UNC13C: variants seen among roughly 807,000 people sequenced by gnomAD.
UNC13C encodes the protein protein unc-13 homolog C.
In UNC13C, 174 loss-of-function variants were observed where a neutral mutation model predicts 245.4. The observed-to-expected ratio is 0.71, with a 90% confidence interval of 0.63 to 0.80. The LOEUF (loss-of-function observed/expected upper bound fraction) is 0.80. Ranked by LOEUF, UNC13C falls within the 30% of genes least tolerant of loss-of-function variation. The pLI is 0.00. For synonymous variants in UNC13C, 992 were observed against 895.1 expected, an observed-to-expected ratio of 1.11 and a Z score of -1.93; for missense variants, 2,829 against 2,602.9, an observed-to-expected ratio of 1.09 and a Z score of -1.89.
chr15:53,992,953 T>G (rs1382629643), intron 1 of UNC13C, among the ~76,000 whole-genome samples: 1 of 152,108 alleles, frequency 6.6e-6, no homozygotes, highest in East Asian at 1.9e-4. Context: ...TCCCTTCTAC[T>G]GATATCCCAT....
intron 2 of UNC13C, among the ~76,000 whole-genome samples, chr15:54,080,369 T>G (rs989017223): frequency 1.3e-5 from 2 of 152,036 alleles, no homozygotes; most frequent in African/African-American, 4.8e-5. Flanking sequence ...CTTTCTCAGT[T>G]TTTTGGAAAC....
At chr15:53,926,365 C>T in the UNC13C span, among the ~76,000 whole-genome samples, 47,645 of 151,990 alleles carry the variant, frequency 0.31, 7,613 homozygotes, top group Non-Finnish European at 0.33. Context: ...TCAGTTCTCT[C>T]ACATGTGAGA....
chr15:54,300,456 C>A, intron 13 of UNC13C, 83 bp downstream of exon 13: 2 of 1,271,714 alleles, frequency 1.6e-6, no homozygotes, highest in Non-Finnish European at 2.1e-6. Flanking sequence ...ACTTCTAATT[C>A]AAATGAAACT....
At chr15:53,884,879 A>C in the UNC13C span, among the ~76,000 whole-genome samples, 1 of 152,082 alleles carries the variant, frequency 6.6e-6, no homozygotes, top group South Asian at 2.1e-4. Context: ...AAAAGACAAA[A>C]CTGTTGAGAA....
At chr15:54,310,810 A>T (rs1033939714) in intron 13 of UNC13C, among the ~76,000 whole-genome samples, 2 of 151,720 alleles carry the variant, frequency 1.3e-5, no homozygotes, top group African/African-American at 4.8e-5. Context: ...ACACATGCAC[A>T]CACACTTTGC....
chr15:54,332,305 C>CTG (rs34179914), intron 15 of UNC13C, among the ~76,000 whole-genome samples, 194 bp downstream of exon 15: 8,183 of 145,350 alleles, frequency 0.056, 211 homozygotes, highest in African/African-American at 0.073. Context: ...CAACAATACT[C>CTG]TGTGTGTGTG....
chr15:53,897,283 A>G, the UNC13C span, among the ~76,000 whole-genome samples: 2 of 152,172 alleles, frequency 1.3e-5, no homozygotes, highest in African/African-American at 4.8e-5. Context: ...TGAGTCCTCA[A>G]TGGGGTCCAA....
At chr15:54,324,001 A>AT (rs1004560154) in intron 14 of UNC13C, among the ~76,000 whole-genome samples, 37 of 152,120 alleles carry the variant, frequency 2.4e-4, no homozygotes, top group African/African-American at 8.2e-4. Flanking sequence ...CAGCAGATTG[A>AT]TTTCAGTACA....
At chr15:54,531,024 G>A (rs945497483) in intron 25 of UNC13C, among the ~76,000 whole-genome samples, 1 of 152,182 alleles carries the variant, frequency 6.6e-6, no homozygotes, top group African/African-American at 2.4e-5. Context: ...GTTCAAGTGG[G>A]AGGATGGTAA....
chr15:54,516,815 A>G (rs1043822412), intron 24 of UNC13C, among the ~76,000 whole-genome samples: 1 of 150,076 alleles, frequency 6.7e-6, no homozygotes, highest in East Asian at 1.9e-4. Flanking sequence ...AAAAAAAAGT[A>G]TCAGATAATT....
intron 5 of UNC13C, 55 bp downstream of exon 5, chr15:54,235,163 T>G (rs759008687): frequency 6.1e-6 from 9 of 1,469,086 alleles, no homozygotes; most frequent in Non-Finnish European, 8.6e-6. Context: ...TTTTCCTTAC[T>G]AAAATGTAAT....
At chr15:54,315,207 A>G (rs1015522451) in intron 13 of UNC13C, among the ~76,000 whole-genome samples, 7 of 151,738 alleles carry the variant, frequency 4.6e-5, no homozygotes, top group African/African-American at 1.7e-4. Flanking sequence ...TGTACCAATC[A>G]AGGTTTGGCC....
Position 54,179,286 on chromosome 15 carries a change from A to G in UNC13C, c.3071+35602A>G, listed in dbSNP as rs117932303. On this transcript the variant is annotated intron_variant, in intron 4 of 32. Coordinates refer to ENST00000260323, the MANE Select transcript of UNC13C (RefSeq NM_001080534.3). ...GAATAAGCAAGAAAATGTGGCTGAT[A>G]ATCAAAAGAAACAAAATAAGCAGAC... Among the ~76,000 whole-genome samples, 1,069 of 152,242 alleles carry G rather than the reference A, an allele frequency of 7.0e-3. 12 individuals are homozygous for G. Among genetic ancestry groups the G allele is most frequent in the Middle Eastern group, 0.017 (5 of 294 alleles).
intron 7 of UNC13C, among the ~76,000 whole-genome samples, chr15:54,245,263 A>G: frequency 6.6e-6 from 1 of 152,106 alleles, no homozygotes; most frequent in Non-Finnish European, 1.5e-5. Context: ...AAAATCTATC[A>G]TATTTTGTTT....
At chr15:54,587,187 A>G (rs1898539521) in intron 30 of UNC13C, among the ~76,000 whole-genome samples, 1 of 152,176 alleles carries the variant, frequency 6.6e-6, no homozygotes, top group Non-Finnish European at 1.5e-5. Context: ...TTATAAGGTG[A>G]AATGACAGAA....
At chr15:54,094,166 G>A (rs533109520) in intron 2 of UNC13C, among the ~76,000 whole-genome samples, 3 of 152,148 alleles carry the variant, frequency 2.0e-5, no homozygotes, top group African/African-American at 7.2e-5. Context: ...GGACTCCGAA[G>A]GCCTTACTGA....
intron 2 of UNC13C, among the ~76,000 whole-genome samples, chr15:54,071,849 C>T (rs1270596363): frequency 1.3e-5 from 2 of 152,136 alleles, no homozygotes; most frequent in African/African-American, 4.8e-5. Context: ...TATTTATAAT[C>T]TTGTGCCTTT....
chr15:54,217,325 G>C (rs143079764), intron 4 of UNC13C, among the ~76,000 whole-genome samples: 2 of 152,062 alleles, frequency 1.3e-5, no homozygotes, highest in Non-Finnish European at 2.9e-5. Flanking sequence ...GGCATCATCA[G>C]AGCTAAGGTG....
At chr15:54,541,754 T>C (rs1896256733) in intron 26 of UNC13C, among the ~76,000 whole-genome samples, 2 of 152,260 alleles carry the variant, frequency 1.3e-5, no homozygotes, top group South Asian at 4.1e-4. Context: ...ATAGGTATTA[T>C]ACAAATGCTA....
Sources: allele counts gnomAD v4.1 joint callset (sites outside exome capture counted in the v4.1 genomes callset), GRCh38; gene constraint gnomAD v4.1.1; transcripts MANE v1.5; gene names NCBI Gene and HGNC (gene_info 2026-07-23, HGNC 2026-07-21).